The following C17orf113 variants were observed in gnomAD, a reference collection of about 807,000 sequenced individuals.
C17orf113 encodes the protein uncharacterized protein C17orf113.
Under a neutral mutation model 11.6 loss-of-function variants are expected in C17orf113, and 5 were observed. The observed-to-expected ratio is 0.43, with a 90% CI of 0.23 to 0.91. The LOEUF (loss-of-function observed/expected upper bound fraction) is 0.91, where lower values mean the gene tolerates loss of function less well. C17orf113 is among the 40% of genes least tolerant of loss of function. The pLI, the probability that C17orf113 is intolerant of heterozygous loss-of-function variation, is 0.26. For synonymous variants in C17orf113, 327 were observed against 390.6 expected (o/e 0.84, Z 1.92); for missense variants, 714 against 841.3 (o/e 0.85, Z 1.87).
rs1408536868 is a variant in C17orf113 at position 42,040,904 on chromosome 17, G to T, written c.829C>A (p.Arg277Ser). 3.2e-6 allele frequency: 4 copies of T among 1,232,210 alleles called. No individual in the cohort carries two copies. The highest frequency in any genetic ancestry group is 4.0e-6 in the Non-Finnish European group (4 of 988,002). The allele number at this position is 1,232,210 out of a possible 1,614,324, so 76.3% of individuals were successfully genotyped here. ...AGCTGTGGGCCCACACTCCCCAGGC[G>T]CTCACTGGGGAGGCTTGAGCTGAGC... ...AWLSSSLPSE[R>S]LGSVGPQLRA... is the part of the protein sequence containing the mutation. Residue 277 changes from arginine to serine, a missense_variant, in exon 3 of 3, where the codon CGC becomes AGC. By Grantham distance (110) the Arg-to-Ser change is moderately radical. Around this residue, in one of 3 missense-constraint regions of C17orf113, gnomAD observed 516 missense variants for 626.6 expected, o/e 0.82. Transcript: ENST00000587304.
chr17:42,049,454 C>A (rs1258108271), intron 1 of C17orf113, among the ~76,000 whole-genome samples: 2 of 152,210 alleles, frequency 1.3e-5, no homozygotes, highest in African/African-American at 4.8e-5. Context: ...GTGCCTGACA[C>A]CCAGCAAGTG....
chr17:42,045,343 G>T (rs573712904), intron 1 of C17orf113, among the ~76,000 whole-genome samples: 5 of 152,262 alleles, frequency 3.3e-5, no homozygotes, highest in Non-Finnish European at 5.9e-5. Context: ...GCGCCACCGC[G>T]CCTGGCCTTA....
Position 42,040,628 on chromosome 17 carries a change from G to A in C17orf113, c.1105C>T (p.Pro369Ser). The change falls in exon 3 of 3, where the codon CCT becomes TCT. Residue 369 changes from proline (P) to serine (S), a missense_variant. Transcript: ENST00000587304. ...GCCTCCAGGGTGGGCACCAGGCCAG[G>A]CCAGGCCTCGGCCACTGCTTCCACT... ...PVVEAVAEAW[P>S]GLVPTLEAAA... 8.1e-7 allele frequency: 1 copy of A among 1,232,374 alleles called. No individual in the cohort carries two copies. The allele number at this position is 1,232,374 out of a possible 1,614,324, so 76.3% of individuals were successfully genotyped here. A position where few individuals can be genotyped will look rare whatever the true frequency, so the allele number is the denominator to read the frequency against.
intron 1 of C17orf113, among the ~76,000 whole-genome samples, chr17:42,045,498 GATATT>G (rs1555656561): frequency 6.6e-6 from 1 of 152,256 alleles, no homozygotes; most frequent in African/African-American, 2.4e-5. Flanking sequence ...CTGTGGCTGA[GATATT>G]ATCCTTTTGG....
At position 42,040,169 on chromosome 17, in the gene C17orf113, C is replaced by T. The variant is rs1433995757; in HGVS notation, c.1564G>A (p.Asp522Asn). The T allele has an allele frequency of 8.1e-7, 1 of 1,231,564 alleles. No individual in the cohort carries two copies. Among genetic ancestry groups the T allele is most frequent in the African/African-American group, 1.5e-5 (1 of 64,520 alleles). 76.3% of individuals were successfully genotyped at this position (1,231,564 alleles called of 1,614,324 possible). ...GGCGCCTGCGGGTAGCGTCGGGGGT[C>T]GAAGATCGCTGCGAAGGCGGCCACG... The part of the protein sequence containing the change: ...DAVAAFAAIF[D>N]PRRYPQAPEE... Residue 522 changes from aspartate to asparagine, a missense_variant, in exon 3 of 3, where the codon GAC becomes AAC. Asp to Asn is a conservative substitution (Grantham distance 23, BLOSUM62 1). This residue lies in a region of C17orf113 where 4 missense variants were observed against 17.5 expected (regional missense o/e 0.23). Transcript: ENST00000587304.
chr17:42,043,181 C>T lies in C17orf113; in HGVS notation c.196G>A (p.Val66Met). 1 of 1,232,234 alleles carries T rather than the reference C, an allele frequency of 8.1e-7. No individual in the cohort carries two copies. Among genetic ancestry groups the T allele is most frequent in the Non-Finnish European group, 1.0e-6 (1 of 988,000 alleles). The allele number at this position is 1,232,234 out of a possible 1,614,324, so 76.3% of individuals were successfully genotyped here. Residue 66 changes from valine (V) to methionine (M), a missense_variant, in exon 2 of 3, where the codon GTG becomes ATG. Transcript: ENST00000587304. ...TGGCGCTGGAAGTTGTCTGTGCCCA[C>T]AGTGAAGGCGTTTTCGGCTTTGCCA... ...KHGKAENAFT[V>M]GTDNFQRHAL...
chr17:42,040,134 C>G lies in C17orf113; in HGVS notation c.1599G>C (p.Leu533=), dbSNP rs1283018004. ...PRRYPQAPEE[L]GTHGEGALRV... is the part of the protein sequence containing the mutation. ...GCAGCGCCCCCTCGCCATGCGTGCC[C>G]AGCTCCTCCGGCGCCTGCGGGTAGC... The change falls in exon 3 of 3, where the codon CTG becomes CTC. Residue 533 remains leucine, a synonymous_variant. Coordinates refer to ENST00000587304, the MANE Select transcript of C17orf113 (RefSeq NM_001358661.2). The G allele has an allele frequency of 8.1e-7, 1 of 1,231,338 alleles. No homozygotes were observed. The highest frequency in any genetic ancestry group is 3.1e-4 in the Middle Eastern group (1 of 3,228). The allele number at this position is 1,231,338 out of a possible 1,614,324, so 76.3% of individuals were successfully genotyped here.
Position 42,038,272 on chromosome 17 carries a change from A to C in C17orf113, c.*1433T>G. 1 of 534,660 alleles carries C rather than the reference A, an allele frequency of 1.9e-6. No homozygotes were observed. The highest frequency in any genetic ancestry group is 3.3e-6 in the Non-Finnish European group (1 of 305,036). The allele number at this position is 534,660 out of a possible 1,614,324, so 33.1% of individuals were successfully genotyped here. On this transcript the variant is annotated 3_prime_UTR_variant, in exon 3 of 3. Coordinates refer to ENST00000587304, the MANE Select transcript of C17orf113 (RefSeq NM_001358661.2). ...CCATTTTATTGCAAATTAAACTCAAACCCAGGGGTATTAGGAAAAGGCTAG... is the reference window on the plus strand; with the variant it reads ...CCATTTTATTGCAAATTAAACTCAACCCCAGGGGTATTAGGAAAAGGCTAG...
At chr17:42,047,465 A>G (rs2053189311) in intron 1 of C17orf113, among the ~76,000 whole-genome samples, 3 of 151,824 alleles carry the variant, frequency 2.0e-5, no homozygotes. Context: ...GCCTGGCCCA[A>G]TTAGACGATC....
At chr17:42,047,095 G>A (rs1047522938) in intron 1 of C17orf113, among the ~76,000 whole-genome samples, 7 of 147,578 alleles carry the variant, frequency 4.7e-5, no homozygotes, top group African/African-American at 7.6e-5. Context: ...GCAGTGGCGC[G>A]ATCTCGGCTC....
rs1267925748 is a variant in C17orf113 at position 42,043,574 on chromosome 17, AAG to A, written c.-187-13_-187-12del. On this transcript the variant is annotated splice_polypyrimidine_tract_variant and intron_variant, in intron 1 of 2. Coordinates refer to ENST00000587304, the MANE Select transcript of C17orf113 (RefSeq NM_001358661.2). ...TCTGCCGGTGGGAGACTGGAGATGAAAGAGACAGGCAGAGGTGTTAGGGGTCT... is the reference window on the plus strand; with the variant it reads ...TCTGCCGGTGGGAGACTGGAGATGAAAGACAGGCAGAGGTGTTAGGGGTCT... The A allele has an allele frequency of 4.9e-5, 20 of 412,054 alleles. No homozygotes were observed. The South Asian group carries it at 2.6e-3, about 53-fold the overall frequency. 25.5% of individuals were successfully genotyped at this position (412,054 alleles called of 1,614,324 possible). A position where few individuals can be genotyped will look rare whatever the true frequency, so the allele number is the denominator to read the frequency against.
chr17:42,042,568 G>C (rs142001615), intron 2 of C17orf113, among the ~76,000 whole-genome samples: 2 of 152,162 alleles, frequency 1.3e-5, no homozygotes, highest in Admixed American at 6.6e-5. Context: ...CAAGCCTCCA[G>C]GCCACCAGTT....
At chr17:42,041,532 AC>A (rs1263548086) in intron 2 of C17orf113, among the ~76,000 whole-genome samples, 7 of 152,160 alleles carry the variant, frequency 4.6e-5, no homozygotes, top group African/African-American at 1.7e-4. Context: ...ATAAACATCA[AC>A]TTTTGTTGTG....
In C17orf113 at chr17:42,040,513, G is replaced by T. The variant is rs1567986681; in HGVS notation, c.1220C>A (p.Ala407Asp). The change falls in exon 3 of 3, where the codon GCC becomes GAC. Residue 407 changes from alanine to aspartate, a missense_variant. Coordinates refer to ENST00000587304, the MANE Select transcript of C17orf113 (RefSeq NM_001358661.2). ...FVAFTHLLLD[A>D]LPSVQKLSLV... ...GGAGAGCTTCTGCACAGAGGGCAGG[G>T]CATCCAGCAGCAGGTGGGTGAAGGC... The T allele has an allele frequency of 2.4e-6, 3 of 1,232,808 alleles. No individual in the cohort carries two copies. The South Asian group carries it at 1.2e-4, about 51-fold the overall frequency. The allele number at this position is 1,232,808 out of a possible 1,614,324, so 76.4% of individuals were successfully genotyped here. A position where few individuals can be genotyped will look rare whatever the true frequency, so the allele number is the denominator to read the frequency against.
At chr17:42,043,639 T>C in intron 1 of C17orf113, 76 bp from the exon 2 acceptor site, 1 of 315,570 alleles carries the variant, frequency 3.2e-6, no homozygotes. Context: ...GTGGTAGGCT[T>C]CATGCTGCCC....
chr17:42,049,435 A>G (rs2053239472), intron 1 of C17orf113, among the ~76,000 whole-genome samples: 1 of 152,176 alleles, frequency 6.6e-6, no homozygotes, highest in Admixed American at 6.5e-5. Context: ...AATCCCAGAG[A>G]TGGGTACAGT....
chr17:42,039,540 G>T lies in C17orf113; in HGVS notation c.*165C>A. 2.4e-6 allele frequency: 1 copy of T among 411,322 alleles called. No homozygotes were observed. The highest frequency in any genetic ancestry group is 3.2e-6 in the Non-Finnish European group (1 of 310,774). 25.5% of individuals were successfully genotyped at this position (411,322 alleles called of 1,614,324 possible). Reference sequence around the variant, plus strand: ...CAGTCCCTTCCTCCACAGCCCACAGGGTGGGGGGGGTTGGTGGGAAGCTCC... The same window carrying T: ...CAGTCCCTTCCTCCACAGCCCACAGTGTGGGGGGGGTTGGTGGGAAGCTCC... On this transcript the variant is annotated 3_prime_UTR_variant, in exon 3 of 3. Transcript: ENST00000587304.
rs905262525 is a variant in C17orf113, at chr17:42,041,310, C to G, written c.544-121G>C. 4.6e-6 allele frequency: 4 copies of G among 866,080 alleles called. No individual in the cohort carries two copies. In the South Asian group the frequency reaches 2.5e-4, roughly 53 times the overall value. The allele number at this position is 866,080 out of a possible 1,614,324, so 53.6% of individuals were successfully genotyped here. A position where few individuals can be genotyped will look rare whatever the true frequency, so the allele number is the denominator to read the frequency against. ...CCTTGAGGTTAGACAGACTTAGGGACTAATCCTGGCTTTGCCACTTACTGG... is the reference window on the plus strand; with the variant it reads ...CCTTGAGGTTAGACAGACTTAGGGAGTAATCCTGGCTTTGCCACTTACTGG... On this transcript the variant is annotated intron_variant, in intron 2 of 2. Coordinates refer to ENST00000587304, the MANE Select transcript of C17orf113 (RefSeq NM_001358661.2).
At chr17:42,045,136 C>CTCGA (rs2053127572) in intron 1 of C17orf113, among the ~76,000 whole-genome samples, 1 of 152,226 alleles carries the variant, frequency 6.6e-6, no homozygotes, top group Non-Finnish European at 1.5e-5. Context: ...CCACGATGGT[C>CTCGA]TCGATCTCCT....
Sources: allele counts gnomAD v4.1 joint callset (sites outside exome capture counted in the v4.1 genomes callset), GRCh38; gene constraint gnomAD v4.1.1; regional missense constraint gnomAD v4.1.1; transcripts MANE v1.5; gene names NCBI Gene and HGNC (gene_info 2026-07-23, HGNC 2026-07-21).